CADPS: variants seen among roughly 807,000 people sequenced by gnomAD.
CADPS encodes calcium-dependent secretion activator 1.
CADPS carries 57 observed loss-of-function variants against 167.3 expected under a neutral mutation model. That is an observed-to-expected ratio of 0.34 (90% CI 0.28 to 0.42). The LOEUF (loss-of-function observed/expected upper bound fraction) is 0.42. CADPS is among the 20% of genes least tolerant of loss of function. The pLI, the probability that CADPS is intolerant of heterozygous loss-of-function variation, is 1.00. For synonymous variants in CADPS, 676 were observed against 635.3 expected, an observed-to-expected ratio of 1.06 and a Z score of -0.96; for missense variants, 1,414 against 1,738.1, an observed-to-expected ratio of 0.81 and a Z score of 3.32.
At chr3:62,596,088 T>TACACAC (rs56780830) in intron 6 of CADPS, among the ~76,000 whole-genome samples, 215 of 135,962 alleles carry the variant, frequency 1.6e-3, no homozygotes, top group South Asian at 5.0e-3. Context: ...TATATATGTA[T>TACACAC]ACACACACAC....
In CADPS at chr3:62,825,648, G is replaced by A. The variant is rs560921897; in HGVS notation, c.441+48941C>T. On this transcript the variant is annotated intron_variant, in intron 1 of 29. Transcript: ENST00000383710. ...CACATAGATGGTAAATAATGGGGCT[G>A]AGATTTAAACTCCAATTGTTCCGGC... 7.9e-5 allele frequency among the ~76,000 whole-genome samples: 12 copies of A among 152,326 alleles called. No homozygotes were observed. The East Asian group carries it at 2.3e-3, about 29-fold the overall frequency.
At chr3:62,529,552 C>A (rs2073164633) in intron 13 of CADPS, among the ~76,000 whole-genome samples, 2 of 152,210 alleles carry the variant, frequency 1.3e-5, no homozygotes, top group African/African-American at 2.4e-5. Flanking sequence ...GCCTTGCAAT[C>A]TAACTTTTAC....
intron 3 of CADPS, among the ~76,000 whole-genome samples, chr3:62,718,688 A>G (rs1308433567): frequency 1.3e-5 from 2 of 152,212 alleles, no homozygotes; most frequent in Non-Finnish European, 2.9e-5. Flanking sequence ...AGGAGATGAC[A>G]CATTCTAATC....
At chr3:62,506,785 G>A (rs1358992213) in intron 17 of CADPS, among the ~76,000 whole-genome samples, 1 of 152,198 alleles carries the variant, frequency 6.6e-6, no homozygotes, top group African/African-American at 2.4e-5. Context: ...TGTGACCCAA[G>A]CTGGGCCACT....
intron 18 of CADPS, among the ~76,000 whole-genome samples, chr3:62,495,630 G>A (rs954280431): frequency 1.3e-5 from 2 of 152,170 alleles, no homozygotes; most frequent in African/African-American, 4.8e-5. Context: ...CAAACACACT[G>A]TATATTTTGC....
At chr3:62,505,655 G>C (rs1250559119) in intron 17 of CADPS, among the ~76,000 whole-genome samples, 1 of 152,192 alleles carries the variant, frequency 6.6e-6, no homozygotes, top group East Asian at 1.9e-4. Context: ...AAACCTTTGA[G>C]AGCTTCCCTT....
chr3:62,791,704 C>T (rs73842267), intron 1 of CADPS, among the ~76,000 whole-genome samples: 5 of 152,256 alleles, frequency 3.3e-5, no homozygotes, highest in Admixed American at 6.5e-5. Context: ...GGCAGGAAAA[C>T]GGAAAAGATA....
intron 1 of CADPS, among the ~76,000 whole-genome samples, chr3:62,822,819 G>C (rs999703933): frequency 3.9e-5 from 6 of 152,002 alleles, no homozygotes; most frequent in African/African-American, 1.5e-4. Flanking sequence ...TCCAGCCTGT[G>C]CGACAGAGTG....
At chr3:62,808,343 A>G (rs1487230851) in intron 1 of CADPS, among the ~76,000 whole-genome samples, 2 of 152,088 alleles carry the variant, frequency 1.3e-5, no homozygotes, top group Non-Finnish European at 2.9e-5. Context: ...AGAGGCAGAG[A>G]ATGGGAGAAA....
intron 3 of CADPS, among the ~76,000 whole-genome samples, chr3:62,731,804 G>GAAAAAAAAAAAAAAAAAAA (rs2077878478): frequency 1.1e-4 from 1 of 9,188 alleles, no homozygotes; most frequent in African/African-American, 7.2e-4. Context: ...CTGATCATAT[G>GAAAAAAAAAAAAAAAAAAA]CAAAAAAAAA....
intron 1 of CADPS, among the ~76,000 whole-genome samples, chr3:62,797,170 GT>G (rs769390523): frequency 2.7e-5 from 4 of 147,550 alleles, no homozygotes; most frequent in African/African-American, 9.7e-5. Context: ...TTTGTTTTTT[GT>G]TTTTTTTCCT....
chr3:62,511,238 C>T lies in CADPS; in HGVS notation c.2599+1513G>A, dbSNP rs185247339. 3.5e-4 allele frequency among the ~76,000 whole-genome samples: 54 copies of T among 152,232 alleles called. 1 individual carries two copies. The highest frequency in any genetic ancestry group is 1.2e-3 in the African/African-American group (50 of 41,544). On this transcript the variant is annotated intron_variant, in intron 17 of 29. Coordinates refer to ENST00000383710, the MANE Select transcript of CADPS (RefSeq NM_003716.4). ...CAGCATTATTATGGCATAGAAAGAC[C>T]TTTGAAGTCCTGTCCCTGCCTACCT...
intron 21 of CADPS, among the ~76,000 whole-genome samples, chr3:62,488,863 C>A (rs2063245390): frequency 6.6e-6 from 1 of 152,166 alleles, no homozygotes; most frequent in Non-Finnish European, 1.5e-5. Flanking sequence ...GAACAAACCA[C>A]AATCATATTC....
chr3:62,681,493 T>C (rs2077151864), intron 3 of CADPS, among the ~76,000 whole-genome samples: 1 of 152,110 alleles, frequency 6.6e-6, no homozygotes, highest in Non-Finnish European at 1.5e-5. Context: ...ATCTTCCTTC[T>C]ATTGCCCTTC....
intron 1 of CADPS, among the ~76,000 whole-genome samples, chr3:62,776,635 C>A (rs1367741025): frequency 6.6e-6 from 1 of 152,096 alleles, no homozygotes; most frequent in Non-Finnish European, 1.5e-5. Flanking sequence ...GCATGGACAA[C>A]AGAGAGAGAC....
At position 62,499,137 on chromosome 3, in the gene CADPS, T is replaced by G. The variant is rs370573298; in HGVS notation, c.2706+25A>C. 9 of 1,471,624 alleles carry G rather than the reference T, an allele frequency of 6.1e-6. No homozygotes were observed. The African/African-American group carries it at 1.2e-4, about 20-fold the overall frequency. 91.2% of individuals were successfully genotyped at this position (1,471,624 alleles called of 1,614,324 possible). A position where few individuals can be genotyped will look rare whatever the true frequency, so the allele number is the denominator to read the frequency against. On this transcript the variant is annotated intron_variant, in intron 18 of 29. Transcript: ENST00000383710. Reference sequence around the variant, plus strand: ...CAAGCTCAGCTAAGGGACAGTAAGATACACTTCCCACCAAGCCTGCTCACC... The same window carrying G: ...CAAGCTCAGCTAAGGGACAGTAAGAGACACTTCCCACCAAGCCTGCTCACC...
At chr3:62,607,264 T>A (rs2149220316) in intron 6 of CADPS, among the ~76,000 whole-genome samples, 1 of 152,296 alleles carries the variant, frequency 6.6e-6, no homozygotes, top group African/African-American at 2.4e-5. Context: ...AGTGTCAAAT[T>A]AAGCAGGATC....
chr3:62,699,729 CG>C (rs1334274520), intron 3 of CADPS, among the ~76,000 whole-genome samples: 1 of 151,968 alleles, frequency 6.6e-6, no homozygotes, highest in Non-Finnish European at 1.5e-5. Flanking sequence ...CCACCACACC[CG>C]GCTAATTTTT....
chr3:62,733,328 T>A (rs1434919879), intron 3 of CADPS, among the ~76,000 whole-genome samples: 2 of 152,052 alleles, frequency 1.3e-5, no homozygotes, highest in Non-Finnish European at 2.9e-5. Context: ...GAAGAGCGTC[T>A]ATGGATGCTT....
Sources: allele counts gnomAD v4.1 joint callset (sites outside exome capture counted in the v4.1 genomes callset), GRCh38; gene constraint gnomAD v4.1.1; transcripts MANE v1.5; gene names NCBI Gene and HGNC (gene_info 2026-07-23, HGNC 2026-07-21).